Variants in NOS1AP observed in about 807,000 individuals in gnomAD.
The protein encoded by NOS1AP is nitric oxide synthase 1 adaptor protein.
A neutral mutation model predicts 56.2 loss-of-function variants in NOS1AP; 21 were observed. The observed-to-expected ratio is 0.37, with a 90% CI of 0.26 to 0.54. The LOEUF is 0.54. Ranked by LOEUF, NOS1AP falls within the 20% of genes least tolerant of loss-of-function variation. The probability of loss-of-function intolerance (pLI) is 0.84; values close to 1 mark genes in which losing one functional copy is unlikely to be tolerated. For missense variants in NOS1AP, 522 were observed against 657.8 expected, an observed-to-expected ratio of 0.79 and a Z score of 2.26; for synonymous variants, 270 against 274.6, an observed-to-expected ratio of 0.98 and a Z score of 0.17.
chr1:162,133,952 C>T (rs926429895), intron 1 of NOS1AP, among the ~76,000 whole-genome samples: 3 of 152,238 alleles, frequency 2.0e-5, no homozygotes, highest in Admixed American at 2.0e-4. Context: ...GTTCCTGCCC[C>T]ATGAACTTGA....
rs780542273 is a variant in NOS1AP at position 162,342,661 on chromosome 1, A to G, written c.454-1174A>G. The G allele has an allele frequency of 6.6e-6, 3 of 452,870 alleles. No homozygotes were observed. The Admixed American group carries it at 7.5e-5, about 11-fold the overall frequency. The allele number at this position is 452,870 out of a possible 1,614,324, so 28.1% of individuals were successfully genotyped here. ...CAACAAGGCCTTCTAGACTTATCAA[A>G]ACACTGGATATCAGTTAGGTAATGT... is the stretch of plus-strand genomic sequence containing the variant. On this transcript the variant is annotated intron_variant, in intron 5 of 9. Coordinates refer to ENST00000361897, the MANE Select transcript of NOS1AP (RefSeq NM_014697.3).
rs533037505 is a variant in NOS1AP at position 162,249,548 on chromosome 1, C to T, written c.178-37796C>T. Among the ~76,000 whole-genome samples, 5 of 152,260 alleles carry T rather than the reference C, an allele frequency of 3.3e-5. 1 individual carries two copies. The South Asian group carries it at 6.2e-4, about 19-fold the overall frequency. ...GAGGATTAATTCTCTTGTCATCATC[C>T]ACACCAAATAAGAATCACAAACATA... On this transcript the variant is annotated intron_variant, in intron 2 of 9. Coordinates refer to ENST00000361897, the MANE Select transcript of NOS1AP (RefSeq NM_014697.3).
chr1:162,230,632 C>G (rs559624806), intron 2 of NOS1AP, among the ~76,000 whole-genome samples: 29 of 152,296 alleles, frequency 1.9e-4, no homozygotes, highest in African/African-American at 6.7e-4. Flanking sequence ...ACTCTACACC[C>G]ATTAAACAAC....
At position 162,149,124 on chromosome 1, in the gene NOS1AP, C is replaced by T. The variant is rs77698329; in HGVS notation, c.106-5281C>T. On this transcript the variant is annotated intron_variant, in intron 1 of 9. Transcript: ENST00000361897. ...CATCAGGCCAACCCAGCTCCATTGC[C>T]CTAGGAACGTGTGGGAGCCTGCATC... is the stretch of plus-strand genomic sequence containing the variant. Among the ~76,000 whole-genome samples the T allele has an allele frequency of 8.3e-3, 1,263 of 152,228 alleles. 8 individuals are homozygous for T. Among genetic ancestry groups the T allele is most frequent in the South Asian group, 0.022 (107 of 4,826 alleles).
rs77765629 is a variant in NOS1AP, at chr1:162,103,556, T to G, written c.105+33274T>G. 8.5e-3 allele frequency among the ~76,000 whole-genome samples: 1,301 copies of G among 152,310 alleles called. 12 individuals carry two copies. The highest frequency in any genetic ancestry group is 0.022 in the South Asian group (105 of 4,816). The stretch of plus-strand genomic sequence containing the variant: ...GTATTGAAGTCTCCCACGACTACTC[T>G]GTGGGAGTCTAAGTCTCTTTGTAGG... On this transcript the variant is annotated intron_variant, in intron 1 of 9. Transcript: ENST00000361897.
intron 2 of NOS1AP, among the ~76,000 whole-genome samples, chr1:162,276,387 T>C (rs1021953932): frequency 1.3e-5 from 2 of 152,262 alleles, no homozygotes; most frequent in Non-Finnish European, 2.9e-5. Context: ...TCAGTCCCAG[T>C]GAAGAACGGG....
chr1:162,233,200 T>C (rs1190571546), intron 2 of NOS1AP, among the ~76,000 whole-genome samples: 1 of 152,192 alleles, frequency 6.6e-6, no homozygotes, highest in African/African-American at 2.4e-5. Flanking sequence ...CTCCAGGGAT[T>C]ACACTTTGAG....
At chr1:162,310,904 T>TCTG (rs1656005681) in intron 4 of NOS1AP, among the ~76,000 whole-genome samples, 1 of 121,210 alleles carries the variant, frequency 8.3e-6, no homozygotes, top group Admixed American at 8.5e-5. Context: ...CTCTCTCTCT[T>TCTG]CTGGACCCAT....
intron 4 of NOS1AP, among the ~76,000 whole-genome samples, chr1:162,321,965 CTGTT>C (rs1656437619): frequency 1.3e-5 from 2 of 152,106 alleles, no homozygotes; most frequent in Admixed American, 1.3e-4. Flanking sequence ...GCTGCGTGCA[CTGTT>C]TGGGTGACGG....
intron 8 of NOS1AP, among the ~76,000 whole-genome samples, chr1:162,359,198 TG>T (rs1657805087): frequency 6.6e-6 from 1 of 152,206 alleles, no homozygotes; most frequent in South Asian, 2.1e-4. Context: ...ACTTGGAATC[TG>T]TTGAATATAG....
chr1:162,352,147 C>T (rs947052577), intron 6 of NOS1AP, among the ~76,000 whole-genome samples: 3 of 152,122 alleles, frequency 2.0e-5, no homozygotes, highest in Non-Finnish European at 4.4e-5. Flanking sequence ...GCAACCTCCG[C>T]CTCCTGGGTT....
At chr1:162,293,961 A>G (rs1315215257) in intron 3 of NOS1AP, among the ~76,000 whole-genome samples, 2 of 152,224 alleles carry the variant, frequency 1.3e-5, no homozygotes, top group African/African-American at 4.8e-5. Context: ...ATGAAAAATG[A>G]AGCAGATACA....
chr1:162,211,624 C>T (rs943741654), intron 2 of NOS1AP, among the ~76,000 whole-genome samples: 4 of 152,132 alleles, frequency 2.6e-5, no homozygotes, highest in African/African-American at 9.7e-5. Flanking sequence ...ATTAAAAACC[C>T]AGTGAGGCAG....
intron 1 of NOS1AP, among the ~76,000 whole-genome samples, chr1:162,080,358 T>C (rs926581075): frequency 2.0e-5 from 3 of 152,204 alleles, no homozygotes; most frequent in Non-Finnish European, 4.4e-5. Context: ...TACCCCTTTA[T>C]GGTCCATCCA....
intron 9 of NOS1AP, chr1:162,366,802 G>GA (rs1377254831): frequency 3.4e-6 from 2 of 593,488 alleles, no homozygotes; most frequent in Non-Finnish European, 6.2e-6. Flanking sequence ...GTGGCTACCA[G>GA]AACCATCATA....
chr1:162,237,660 T>G (rs144966169), intron 2 of NOS1AP, among the ~76,000 whole-genome samples: 222 of 152,316 alleles, frequency 1.5e-3, no homozygotes, highest in African/African-American at 5.3e-3. Flanking sequence ...TTTAAAGAAT[T>G]AAAATATAAC....
chr1:162,132,796 C>T (rs1410972774), intron 1 of NOS1AP, among the ~76,000 whole-genome samples: 1 of 152,188 alleles, frequency 6.6e-6, no homozygotes, highest in Non-Finnish European at 1.5e-5. Context: ...CCAGGTTCCA[C>T]ACTCCTTCAG....
intron 2 of NOS1AP, among the ~76,000 whole-genome samples, chr1:162,241,180 G>A (rs1220841214): frequency 2.0e-5 from 3 of 152,188 alleles, no homozygotes; most frequent in Admixed American, 6.5e-5. Flanking sequence ...ATTGAGACTT[G>A]AAAGATGACC....
At chr1:162,308,093 C>T (rs1655900067) in intron 4 of NOS1AP, among the ~76,000 whole-genome samples, 1 of 152,176 alleles carries the variant, frequency 6.6e-6, no homozygotes, top group Non-Finnish European at 1.5e-5. Flanking sequence ...TAAAAGAGTA[C>T]CTACAAAGTG....
Sources: gnomAD v4.1 joint callset for allele counts (sites outside exome capture counted in the v4.1 genomes callset) on GRCh38, gnomAD v4.1.1 for gene constraint, MANE v1.5 for transcripts, NCBI Gene and HGNC (gene_info 2026-07-23, HGNC 2026-07-21) for gene names.